TIAM1: variants seen among roughly 807,000 people sequenced by gnomAD.
TIAM1 encodes the protein TIAM Rac1 associated GEF 1, also known as rho guanine nucleotide exchange factor TIAM1.
A neutral mutation model predicts 163.5 loss-of-function variants in TIAM1; 65 were observed. The observed-to-expected ratio is 0.40, with a 90% confidence interval of 0.33 to 0.49. The LOEUF (loss-of-function observed/expected upper bound fraction) is 0.49. Among genes scored for constraint, TIAM1 ranks in the 20% least tolerant of loss-of-function variants. TIAM1 has a pLI of 0.77. For synonymous variants in TIAM1, 833 were observed against 810.1 expected (o/e 1.03, Z -0.48); for missense variants, 1,789 against 2,044.7 (o/e 0.87, Z 2.41).
rs1308723477 is a variant in TIAM1, at chr21:31,250,877, G to C, written c.1411+865C>G. Among the ~76,000 whole-genome samples the C allele has an allele frequency of 2.6e-5, 4 of 151,616 alleles. No homozygotes were observed. The East Asian group carries it at 7.8e-4, about 30-fold the overall frequency. ...TGACAACAAATACCAACAAATACAAGCATGGTTATATAAACAGAAAATAAA... is the reference window on the plus strand; with the variant it reads ...TGACAACAAATACCAACAAATACAACCATGGTTATATAAACAGAAAATAAA... On this transcript the variant is annotated intron_variant, in intron 5 of 27. Coordinates refer to ENST00000541036, the MANE Select transcript of TIAM1 (RefSeq NM_001353694.2).
At chr21:31,297,298 G>A (rs2074314787) in intron 2 of TIAM1, among the ~76,000 whole-genome samples, 2 of 152,204 alleles carry the variant, frequency 1.3e-5, no homozygotes, top group South Asian at 2.1e-4. Context: ...GAAATAGAAA[G>A]GTGGATGGCA....
intron 12 of TIAM1, among the ~76,000 whole-genome samples, chr21:31,199,784 C>G (rs1205459678): frequency 2.0e-5 from 3 of 151,844 alleles, no homozygotes; most frequent in Admixed American, 6.6e-5. Context: ...ACCTGCTCAG[C>G]CTCCCAAAGT....
At chr21:31,240,215 TTGGGG>T (rs1228156694) in intron 6 of TIAM1, among the ~76,000 whole-genome samples, 2 of 151,706 alleles carry the variant, frequency 1.3e-5, no homozygotes, top group Admixed American at 1.3e-4. Flanking sequence ...TCAATGGGGG[TTGGGG>T]TGGGGTAGGA....
intron 1 of TIAM1, among the ~76,000 whole-genome samples, chr21:31,549,230 G>A (rs548985242): frequency 6.6e-6 from 1 of 152,238 alleles, no homozygotes; most frequent in African/African-American, 2.4e-5. Flanking sequence ...AATTAGTCAT[G>A]CCAGAAGTGT....
chr21:31,501,736 G>A (rs2046857646), intron 1 of TIAM1, among the ~76,000 whole-genome samples: 1 of 152,124 alleles, frequency 6.6e-6, no homozygotes, highest in South Asian at 2.1e-4. Flanking sequence ...CAGAGTAGCT[G>A]GGATTACAGG....
At chr21:31,418,341 CAAAAAAAAAAAA>C (rs71193114) in intron 2 of TIAM1, among the ~76,000 whole-genome samples, 2 of 34,728 alleles carry the variant, frequency 5.8e-5, no homozygotes, top group African/African-American at 1.0e-4. Context: ...GACTCTGTCT[CAAAAAAAAAAAA>C]AAAAAAAAAA....
chr21:31,540,644 AGACACTG>A (rs2123271430), intron 1 of TIAM1, among the ~76,000 whole-genome samples: 2 of 152,240 alleles, frequency 1.3e-5, no homozygotes, highest in African/African-American at 4.8e-5. Flanking sequence ...CAAAGACTCA[AGACACTG>A]GAAGCTAGAA....
chr21:31,439,205 C>T (rs1442069329), intron 2 of TIAM1, among the ~76,000 whole-genome samples: 1 of 152,144 alleles, frequency 6.6e-6, no homozygotes, highest in Non-Finnish European at 1.5e-5. Context: ...CTAGACTTGG[C>T]CCCAAGAGAC....
chr21:31,309,941 C>T (rs2284498), intron 2 of TIAM1, among the ~76,000 whole-genome samples: 25,990 of 152,130 alleles, frequency 0.17, 2,263 homozygotes, highest in Middle Eastern at 0.2. Context: ...AACCACCTAA[C>T]GCAAAAATAA....
At chr21:31,484,812 T>C (rs1031583236) in intron 1 of TIAM1, among the ~76,000 whole-genome samples, 2 of 152,180 alleles carry the variant, frequency 1.3e-5, no homozygotes, top group African/African-American at 4.8e-5. Flanking sequence ...CCTATCTCCC[T>C]GAAATCCTAG....
chr21:31,296,907 C>T (rs1451915374), intron 2 of TIAM1, among the ~76,000 whole-genome samples: 1 of 152,182 alleles, frequency 6.6e-6, no homozygotes, highest in Non-Finnish European at 1.5e-5. Context: ...TCATAATCCG[C>T]CCGCCTTGGC....
chr21:31,403,483 A>G (rs2077199678), intron 2 of TIAM1, among the ~76,000 whole-genome samples: 1 of 152,148 alleles, frequency 6.6e-6, no homozygotes. Context: ...TCCATAGTAC[A>G]GAGAAAACAA....
intron 1 of TIAM1, among the ~76,000 whole-genome samples, chr21:31,524,356 C>T (rs1048895398): frequency 8.5e-5 from 13 of 152,052 alleles, no homozygotes; most frequent in Non-Finnish European, 8.8e-5. Flanking sequence ...CCAGATCTTG[C>T]GAGAACTGGC....
chr21:31,380,660 G>GT (rs915936695), intron 2 of TIAM1, among the ~76,000 whole-genome samples: 1 of 152,130 alleles, frequency 6.6e-6, no homozygotes, highest in Non-Finnish European at 1.5e-5. Flanking sequence ...CAATAAAGCT[G>GT]TTTTTTAAAA....
intron 1 of TIAM1, among the ~76,000 whole-genome samples, chr21:31,497,170 A>T (rs1210269766): frequency 6.6e-6 from 1 of 152,178 alleles, no homozygotes; most frequent in South Asian, 2.1e-4. Context: ...GTTGTAGGGT[A>T]TACCATCTAG....
intron 2 of TIAM1, among the ~76,000 whole-genome samples, chr21:31,317,388 G>A (rs1444840491): frequency 6.6e-6 from 1 of 152,210 alleles, no homozygotes; most frequent in Non-Finnish European, 1.5e-5. Context: ...GGGAGGCGGA[G>A]GTTGTGGTGA....
intron 1 of TIAM1, among the ~76,000 whole-genome samples, chr21:31,491,948 C>T (rs577603133): frequency 1.3e-5 from 2 of 152,268 alleles, no homozygotes; most frequent in African/African-American, 4.8e-5. Context: ...CACCATCTGA[C>T]TGGATAGAAA....
At chr21:31,412,841 G>C (rs1481391410) in intron 2 of TIAM1, among the ~76,000 whole-genome samples, 1 of 148,452 alleles carries the variant, frequency 6.7e-6, no homozygotes, top group Non-Finnish European at 1.5e-5. Flanking sequence ...TCGCTCGCAT[G>C]TGCAGTTCAC....
chr21:31,424,290 G>A lies in TIAM1; in HGVS notation c.-369+39693C>T, dbSNP rs1169257545. Among the ~76,000 whole-genome samples, 8 of 152,352 alleles carry A rather than the reference G, an allele frequency of 5.3e-5. No individual in the cohort carries two copies. In the East Asian group the frequency reaches 1.5e-3, roughly 29 times the overall value. On this transcript the variant is annotated intron_variant, in intron 2 of 28. Coordinates refer to the TIAM1 transcript ENST00000286827. ...AAAAACTGAGACTCAGAAGTTCAGT[G>A]ATTTGTCTACGATCTCACAGCCAGT...
Sources: allele counts gnomAD v4.1 joint callset (sites outside exome capture counted in the v4.1 genomes callset), GRCh38; gene constraint gnomAD v4.1.1; transcripts MANE v1.5; gene names NCBI Gene and HGNC (gene_info 2026-07-23, HGNC 2026-07-21).